Variants in OPRM1 observed in about 807,000 individuals in gnomAD.
OPRM1 encodes opioid receptor mu 1, also known as mu-type opioid receptor.
Under a neutral mutation model 31.8 loss-of-function variants are expected in OPRM1, and 27 were observed. The observed-to-expected ratio is 0.85, with a 90% confidence interval of 0.63 to 1.17. OPRM1 has a LOEUF of 1.17. Ranked by LOEUF, OPRM1 falls within the 50% of genes most tolerant of loss-of-function variation. The probability of loss-of-function intolerance (pLI) is 0.00; values close to 1 mark genes in which losing one functional copy is unlikely to be tolerated. For synonymous variants in OPRM1, 196 were observed against 189.9 expected, an observed-to-expected ratio of 1.03 and a Z score of -0.26; for missense variants, 536 against 511.1, an observed-to-expected ratio of 1.05 and a Z score of -0.47.
intron 1 of OPRM1, among the ~76,000 whole-genome samples, chr6:154,032,533 T>C (rs557626115): frequency 2.5e-4 from 38 of 152,212 alleles, no homozygotes; most frequent in Non-Finnish European, 5.1e-4. Context: ...CCTCCTGGGC[T>C]CAAGTGATCC....
At chr6:154,025,769 C>T (rs532121678) in intron 1 of OPRM1, among the ~76,000 whole-genome samples, 1 of 152,028 alleles carries the variant, frequency 6.6e-6, no homozygotes, top group African/African-American at 2.4e-5. Flanking sequence ...AACCTGAAAA[C>T]AATTTAGCAC....
intron 3 of OPRM1, among the ~76,000 whole-genome samples, chr6:154,190,761 T>A (rs879711949): frequency 9.2e-5 from 14 of 152,244 alleles, no homozygotes; most frequent in Admixed American, 8.5e-4. Context: ...GCTACAAAGA[T>A]GTCTTTCAAT....
In OPRM1 at chr6:154,118,881, T is replaced by C. The variant is rs199923062; in HGVS notation, c.*160T>C. On this transcript the variant is annotated 3_prime_UTR_variant, in exon 4 of 4. Transcript: ENST00000330432. ...CTCTCTGGCCACTCTGCTCTGCACATTAGAGGGACAGCCAAAAGTAAGTGG... is the reference window on the plus strand; with the variant it reads ...CTCTCTGGCCACTCTGCTCTGCACACTAGAGGGACAGCCAAAAGTAAGTGG... The C allele has an allele frequency of 7.6e-6, 11 of 1,453,282 alleles. No homozygotes were observed. The highest frequency in any genetic ancestry group is 2.4e-4 in the Middle Eastern group (1 of 4,158). 90.0% of individuals were successfully genotyped at this position (1,453,282 alleles called of 1,614,324 possible).
At chr6:154,243,451 G>A (rs1179474690) in intron 3 of OPRM1, among the ~76,000 whole-genome samples, 1 of 152,190 alleles carries the variant, frequency 6.6e-6, no homozygotes, top group African/African-American at 2.4e-5. Context: ...AAGTAGCAAC[G>A]TGTGGTGAAA....
intron 3 of OPRM1, among the ~76,000 whole-genome samples, chr6:154,097,346 A>C (rs1224825569): frequency 6.6e-6 from 1 of 152,228 alleles, no homozygotes; most frequent in Non-Finnish European, 1.5e-5. Flanking sequence ...CAGCTAAACT[A>C]AAAGCAGAAG....
intron 3 of OPRM1, among the ~76,000 whole-genome samples, chr6:154,232,114 A>T (rs2128627517): frequency 6.6e-6 from 1 of 152,252 alleles, no homozygotes; most frequent in Non-Finnish European, 1.5e-5. Context: ...CTCTCCATAC[A>T]ATAGCGTCCA....
At chr6:154,024,322 G>A (rs1381120964) in intron 1 of OPRM1, among the ~76,000 whole-genome samples, 1 of 151,910 alleles carries the variant, frequency 6.6e-6, no homozygotes, top group Non-Finnish European at 1.5e-5. Flanking sequence ...CTATTTCTTG[G>A]CATATAGCTG....
chr6:154,030,943 C>T (rs948281679), intron 1 of OPRM1, among the ~76,000 whole-genome samples: 26 of 152,152 alleles, frequency 1.7e-4, no homozygotes, highest in Admixed American at 5.9e-4. Flanking sequence ...TAGCACTGCT[C>T]TCTGAACCTG....
chr6:154,245,692 G>A (rs1780975742), intron 3 of OPRM1, among the ~76,000 whole-genome samples: 1 of 151,990 alleles, frequency 6.6e-6, no homozygotes, highest in African/African-American at 2.4e-5. Flanking sequence ...TCCCTTAATT[G>A]ACTAAAGGCC....
rs749542254 is a variant in OPRM1 at position 154,131,987 on chromosome 6, A to T, written c.*13266A>T. Among the ~76,000 whole-genome samples the T allele has an allele frequency of 1.6e-4, 23 of 144,614 alleles. No homozygotes were observed. Among genetic ancestry groups the T allele is most frequent in the Non-Finnish European group, 2.1e-4 (14 of 66,512 alleles). The allele number at this position is 144,614 out of a possible 152,430, so 94.9% of individuals were successfully genotyped here. A position where few individuals can be genotyped will look rare whatever the true frequency, so the allele number is the denominator to read the frequency against. On this transcript the variant is annotated 3_prime_UTR_variant, in exon 4 of 4. Coordinates refer to ENST00000330432, the MANE Select transcript of OPRM1 (RefSeq NM_000914.5). Reference sequence around the variant, plus strand: ...TCATTAGTGTGTTAGTTCCATCATCATGTCTGTTTACTATTGAAAAATAAA... The same window carrying T: ...TCATTAGTGTGTTAGTTCCATCATCTTGTCTGTTTACTATTGAAAAATAAA...
rs1797395908 is a variant in OPRM1, at chr6:154,123,171, G to T, written c.*4450G>T. Among the ~76,000 whole-genome samples the T allele has an allele frequency of 6.6e-6, 1 of 152,148 alleles. No individual in the cohort carries two copies. The highest frequency in any genetic ancestry group is 2.4e-5 in the African/African-American group (1 of 41,432). ...ACTTCTCTTATCTGAAAAGCTGTCT[G>T]TACAACTGCCTCTATCTATGCAGCT... On this transcript the variant is annotated 3_prime_UTR_variant, in exon 4 of 4. Coordinates refer to ENST00000330432, the MANE Select transcript of OPRM1 (RefSeq NM_000914.5).
chr6:154,152,390 A>AAGAAAGAAAGAGAGAGAGAG (rs1360734115), intron 3 of OPRM1, among the ~76,000 whole-genome samples: 15 of 126,194 alleles, frequency 1.2e-4, no homozygotes, highest in African/African-American at 3.4e-4. Flanking sequence ...GAAAGAAAGA[A>AAGAAAGAAAGAGAGAGAGAG]AGAGAAATAG....
intron 3 of OPRM1, among the ~76,000 whole-genome samples, chr6:154,213,776 T>A (rs114414794): frequency 6.6e-6 from 1 of 152,178 alleles, no homozygotes; most frequent in Non-Finnish European, 1.5e-5. Context: ...TGTGTCCCAG[T>A]ATGACCTTCA....
chr6:154,227,664 T>C (rs1383904349), intron 3 of OPRM1, among the ~76,000 whole-genome samples: 3 of 151,802 alleles, frequency 2.0e-5, no homozygotes, highest in Non-Finnish European at 2.9e-5. Flanking sequence ...CTGTCATGGG[T>C]TGTGATCACA....
chr6:154,227,003 C>A (rs1737042891), intron 3 of OPRM1, among the ~76,000 whole-genome samples: 1 of 151,926 alleles, frequency 6.6e-6, no homozygotes, highest in South Asian at 2.1e-4. Context: ...TTGAGACTAG[C>A]CTGGCCAACA....
upstream of OPRM1, among the ~76,000 whole-genome samples, chr6:154,037,133 T>C (rs182351371): frequency 2.0e-5 from 3 of 152,134 alleles, no homozygotes; most frequent in Admixed American, 1.3e-4. Context: ...CCAAAGCAAC[T>C]ATAAATTTAT....
At chr6:154,096,794 A>C (rs1260834039) in intron 3 of OPRM1, among the ~76,000 whole-genome samples, 1 of 152,174 alleles carries the variant, frequency 6.6e-6, no homozygotes, top group Non-Finnish European at 1.5e-5. Context: ...ACACAATGCT[A>C]CTTTGCACTC....
At chr6:154,195,498 T>G (rs113281413) in intron 3 of OPRM1, among the ~76,000 whole-genome samples, 1 of 152,092 alleles carries the variant, frequency 6.6e-6, no homozygotes, top group Non-Finnish European at 1.5e-5. Context: ...TGATGAGAAA[T>G]GGTCATCCAT....
intron 3 of OPRM1, among the ~76,000 whole-genome samples, chr6:154,144,772 A>C (rs1268036153): frequency 7.1e-6 from 1 of 140,400 alleles, no homozygotes; most frequent in Non-Finnish European, 1.6e-5. Context: ...AAAAAAAAAA[A>C]GAATTATACA....
Sources: gnomAD v4.1 joint callset for allele counts (sites outside exome capture counted in the v4.1 genomes callset) on GRCh38, gnomAD v4.1.1 for gene constraint, MANE v1.5 for transcripts, NCBI Gene and HGNC (gene_info 2026-07-23, HGNC 2026-07-21) for gene names.